TG: variants seen among roughly 807,000 people sequenced by gnomAD.
TG encodes thyroglobulin, also known as thyroid hormones.
A neutral mutation model predicts 324.7 loss-of-function variants in TG; 270 were observed. The ratio of observed to expected loss-of-function variants is 0.83; its 90% CI spans 0.75 to 0.92. TG has a LOEUF of 0.92. Ranked by LOEUF, TG falls within the 40% of genes least tolerant of loss-of-function variation. TG has a pLI of 0.00. For missense variants in TG, 3,591 were observed against 3,456.4 expected (o/e 1.04, Z -0.98); for synonymous variants, 1,401 against 1,327.0 (o/e 1.06, Z -1.21).
chr8:133,051,605 A>G (rs553807588), intron 41 of TG, among the ~76,000 whole-genome samples: 55 of 152,320 alleles, frequency 3.6e-4, no homozygotes, highest in South Asian at 1.7e-3. Context: ...CTAATAGTGT[A>G]TTGAAAGGAA....
chr8:132,877,909 G>A (rs897716715), intron 5 of TG, among the ~76,000 whole-genome samples: 2 of 152,132 alleles, frequency 1.3e-5, no homozygotes, highest in Non-Finnish European at 2.9e-5. Flanking sequence ...TTTAAATATT[G>A]TGTAGATTTT....
At chr8:133,126,850 A>T (rs1014046645) in intron 45 of TG, among the ~76,000 whole-genome samples, 2 of 152,100 alleles carry the variant, frequency 1.3e-5, no homozygotes, top group African/African-American at 4.8e-5. Flanking sequence ...AGGGACTTTC[A>T]TTCCTCCCCG....
At chr8:133,023,793 G>A (rs921424961) in intron 40 of TG, among the ~76,000 whole-genome samples, 1 of 152,082 alleles carries the variant, frequency 6.6e-6, no homozygotes, top group African/African-American at 2.4e-5. Context: ...AGTGGGCGGG[G>A]GATTATGATT....
chr8:133,028,661 C>T (rs899758101), intron 40 of TG, among the ~76,000 whole-genome samples: 1 of 152,172 alleles, frequency 6.6e-6, no homozygotes, highest in Admixed American at 6.5e-5. Flanking sequence ...AATCAAAGCA[C>T]ACGAACATGA....
intron 41 of TG, among the ~76,000 whole-genome samples, chr8:133,059,552 C>G (rs182318857): frequency 6.6e-6 from 1 of 152,222 alleles, no homozygotes; most frequent in East Asian, 1.9e-4. Context: ...TTAGGCTCTT[C>G]CCCCGAGAAT....
intron 28 of TG, among the ~76,000 whole-genome samples, chr8:132,962,437 G>A (rs994815145): frequency 6.6e-6 from 1 of 152,152 alleles, no homozygotes; most frequent in Non-Finnish European, 1.5e-5. Flanking sequence ...TTCTGATAAA[G>A]TGTTAGCTGA....
At chr8:132,912,315 A>G (rs1279090696) in intron 19 of TG, among the ~76,000 whole-genome samples, 1 of 152,122 alleles carries the variant, frequency 6.6e-6, no homozygotes, top group Non-Finnish European at 1.5e-5. Flanking sequence ...GAGCCTGGAT[A>G]ATGTGGGTAT....
Position 132,967,951 on chromosome 8 carries a change from G to A in TG, c.5844G>A (p.Lys1948=). Residue 1948 remains lysine (K), a synonymous_variant, in exon 31 of 48, where the codon AAG becomes AAA. Coordinates refer to ENST00000220616, the MANE Select transcript of TG (RefSeq NM_003235.5). The stretch of plus-strand genomic sequence containing the variant: ...GACTGATCCTGCCTCAGATGCCAAA[G>A]GCCCTGTTCCGGAAGAAAGGTGAGC... ...GCRLILPQMP[K]ALFRKKVILE... 5.0e-6 allele frequency: 8 copies of A among 1,613,708 alleles called. No individual in the cohort carries two copies. The highest frequency in any genetic ancestry group is 5.9e-6 in the Non-Finnish European group (7 of 1,179,836).
chr8:133,002,246 A>G, intron 35 of TG: 1 of 985,410 alleles, frequency 1.0e-6, no homozygotes, highest in Non-Finnish European at 1.2e-6. Flanking sequence ...CAAGCGGCAG[A>G]CCTCTGCCTG....
At chr8:133,133,746 C>T (rs761682151) in intron 47 of TG, 86 bp downstream of exon 47, 101 of 1,471,322 alleles carry the variant, frequency 6.9e-5, no homozygotes, top group Middle Eastern at 6.1e-4. Flanking sequence ...GTGCTGCGCG[C>T]GCATTGGAGC....
At chr8:132,975,073 A>G (rs950565827) in intron 34 of TG, among the ~76,000 whole-genome samples, 2 of 152,236 alleles carry the variant, frequency 1.3e-5, no homozygotes, top group African/African-American at 4.8e-5. Context: ...ATAATGTTCC[A>G]TATATAACAG....
At chr8:133,122,972 G>A (rs1681611730) in intron 45 of TG, among the ~76,000 whole-genome samples, 1 of 152,050 alleles carries the variant, frequency 6.6e-6, no homozygotes. Context: ...GTTGACATTT[G>A]AGACCGGATA....
At chr8:132,911,265 G>T in intron 18 of TG, 112 bp from the exon 19 acceptor site, 1 of 1,586,170 alleles carries the variant, frequency 6.3e-7, no homozygotes, top group Non-Finnish European at 8.6e-7. Context: ...AAGTAGGGTT[G>T]GTGGAGGATT....
In TG at chr8:132,882,953, G is replaced by A. The variant is rs758507112; in HGVS notation, c.1029G>A (p.Gly343=). The part of the protein sequence containing the change: ...EGPCWCVDAQ[G]KEMHGTRQQG... Reference sequence around the variant, plus strand: ...CCTGCTGGTGTGTGGACGCCCAGGGGAAGGAAATGCATGGAACCCGGCAGC... The same window carrying A: ...CCTGCTGGTGTGTGGACGCCCAGGGAAAGGAAATGCATGGAACCCGGCAGC... The change falls in exon 8 of 48, where the codon GGG becomes GGA. Residue 343 remains glycine (G), a synonymous_variant. Transcript: ENST00000220616. 15 of 1,614,026 alleles carry A rather than the reference G, an allele frequency of 9.3e-6. No individual in the cohort carries two copies. The highest frequency in any genetic ancestry group is 2.2e-5 in the East Asian group (1 of 44,894).
chr8:132,998,384 C>T (rs530579767), intron 35 of TG, among the ~76,000 whole-genome samples: 3 of 152,158 alleles, frequency 2.0e-5, no homozygotes, highest in South Asian at 4.1e-4. Flanking sequence ...CAAACTGTGC[C>T]GGGGGTCAGT....
intron 41 of TG, among the ~76,000 whole-genome samples, chr8:133,051,793 A>G (rs1840462401): frequency 6.6e-6 from 1 of 152,230 alleles, no homozygotes; most frequent in Non-Finnish European, 1.5e-5. Context: ...GGAAATAACA[A>G]GATGTCTTCT....
At chr8:132,963,158 G>C in intron 29 of TG, 84 bp downstream of exon 29, 2 of 1,234,060 alleles carry the variant, frequency 1.6e-6, no homozygotes, top group Non-Finnish European at 1.2e-6. Context: ...ATCAATGAAC[G>C]GACGTATTGA....
At chr8:132,965,921 G>A (rs1828500266) in intron 29 of TG, among the ~76,000 whole-genome samples, 1 of 152,232 alleles carries the variant, frequency 6.6e-6, no homozygotes, top group African/African-American at 2.4e-5. Context: ...CTTATTTTCT[G>A]TAGGCAGTGG....
intron 41 of TG, among the ~76,000 whole-genome samples, chr8:133,057,278 C>A (rs1262554457): frequency 6.6e-6 from 1 of 152,108 alleles, no homozygotes; most frequent in Non-Finnish European, 1.5e-5. Context: ...GGAAATATGC[C>A]ATTTCCTGAC....
Sources: gnomAD v4.1 joint callset for allele counts (sites outside exome capture counted in the v4.1 genomes callset) on GRCh38, gnomAD v4.1.1 for gene constraint, MANE v1.5 for transcripts, NCBI Gene and HGNC (gene_info 2026-07-23, HGNC 2026-07-21) for gene names.